Variants in MMP12 observed in about 807,000 individuals in gnomAD.
MMP12 encodes the protein matrix metallopeptidase 12.
MMP12 carries 51 observed loss-of-function variants against 45.2 expected under a neutral mutation model. That is an observed-to-expected ratio of 1.13 (90% confidence interval 0.90 to 1.42). The LOEUF (loss-of-function observed/expected upper bound fraction) is 1.42, where lower values mean the gene tolerates loss of function less well. Ranked by LOEUF, MMP12 falls within the 40% of genes most tolerant of loss-of-function variation. The probability of loss-of-function intolerance (pLI) is 0.00; values close to 1 mark genes in which losing one functional copy is unlikely to be tolerated. For missense variants in MMP12, 530 were observed against 570.8 expected, an observed-to-expected ratio of 0.93 and a Z score of 0.73; for synonymous variants, 210 against 193.3, an observed-to-expected ratio of 1.09 and a Z score of -0.72.
rs1182142522 is a variant in MMP12, at chr11:102,865,274, T to C, written c.1205+502A>G. 6.6e-6 allele frequency among the ~76,000 whole-genome samples: 1 copy of C among 152,196 alleles called. No homozygotes were observed. The highest frequency in any genetic ancestry group is 1.5e-5 in the Non-Finnish European group (1 of 68,024). On this transcript the variant is annotated intron_variant, in intron 8 of 9. Coordinates refer to ENST00000571244, the MANE Select transcript of MMP12 (RefSeq NM_002426.6). The surrounding 1 kb of genome is among the most constrained non-coding windows in gnomAD (Gnocchi z 4.1). ...CTCTCCTCCTTCAAAATGTAGACAA[T>C]TGAGACAACAGAGACAGACACTCAA...
rs1191450137 is a variant in MMP12, at chr11:102,867,810, A to G, written c.787+98T>C. Reference sequence around the variant, plus strand: ...ACAGGGTTCTTATGCGGCTTAAAAAAAGACAGATATTAACGTTTTATCCAA... The same window carrying G: ...ACAGGGTTCTTATGCGGCTTAAAAAGAGACAGATATTAACGTTTTATCCAA... On this transcript the variant is annotated intron_variant, in intron 5 of 9. Coordinates refer to ENST00000571244, the MANE Select transcript of MMP12 (RefSeq NM_002426.6). The G allele has an allele frequency of 3.8e-6, 5 of 1,302,520 alleles. No homozygotes were observed. The African/African-American group carries it at 4.4e-5, about 12-fold the overall frequency. 80.7% of individuals were successfully genotyped at this position (1,302,520 alleles called of 1,614,324 possible).
chr11:102,864,270 C>A lies in MMP12; in HGVS notation c.1206-18G>T. 1 of 1,558,884 alleles carries A rather than the reference C, an allele frequency of 6.4e-7. No individual in the cohort carries two copies. Among genetic ancestry groups the A allele is most frequent in the Non-Finnish European group, 8.8e-7 (1 of 1,130,562 alleles). On this transcript the variant is annotated intron_variant, in intron 8 of 9. Transcript: ENST00000571244. ...CATCATACCTGAGCAAAGAAGTAAC[C>A]AGCAGGAACTCAATCAGAAAGTGGC...
chr11:102,873,992 G>T (rs1859548172), intron 1 of MMP12, among the ~76,000 whole-genome samples: 2 of 142,678 alleles, frequency 1.4e-5, no homozygotes, highest in South Asian at 4.3e-4. Context: ...TGGTGCCACT[G>T]CACTGTAGCC....
At chr11:102,874,040 AAAAAAG>A (rs1205051007) in intron 1 of MMP12, among the ~76,000 whole-genome samples, 1 of 150,958 alleles carries the variant, frequency 6.6e-6, no homozygotes, top group African/African-American at 2.4e-5. Context: ...AAAAAAAAAA[AAAAAAG>A]AAAAAGAAAA....
chr11:102,867,152 C>T (rs1411632282), intron 6 of MMP12, 118 bp downstream of exon 6: 2 of 914,984 alleles, frequency 2.2e-6, no homozygotes, highest in African/African-American at 3.4e-5. Flanking sequence ...AGAATCGAGT[C>T]CAAGTTCCTG....
Position 102,865,787 on chromosome 11 carries a change from G to T in MMP12, c.1194C>A (p.Asn398Lys). Reference sequence around the variant, plus strand: ...CCATTAAAACTCACCTCCAATACTGGTTATCTACAAAGAAGTAGGTCCTAT... The same window carrying T: ...CCATTAAAACTCACCTCCAATACTGTTTATCTACAAAGAAGTAGGTCCTAT... The part of the protein sequence containing the change: ...RFYRTYFFVD[N>K]QYWRYDERRQ... Residue 398 changes from asparagine (N) to lysine (K), a missense_variant, in exon 8 of 10, where the codon AAC becomes AAA. Coordinates refer to ENST00000571244, the MANE Select transcript of MMP12 (RefSeq NM_002426.6). This position sits in a 1 kb window ranked among gnomAD's most constrained non-coding sequence, Gnocchi z 4.1. The T allele has an allele frequency of 6.2e-7, 1 of 1,610,284 alleles. No individual in the cohort carries two copies. Among genetic ancestry groups the T allele is most frequent in the Non-Finnish European group, 8.5e-7 (1 of 1,178,062 alleles).
In MMP12 at chr11:102,865,996, T is replaced by A; in HGVS notation, c.1046-61A>T. ...TACAGGAAGAGTAATAAGAAAATAT[T>A]GATTTACTATAAACAACATAATTCC... On this transcript the variant is annotated intron_variant, in intron 7 of 9. Coordinates refer to ENST00000571244, the MANE Select transcript of MMP12 (RefSeq NM_002426.6). The surrounding 1 kb of genome is among the most constrained non-coding windows in gnomAD (Gnocchi z 4.1). The A allele has an allele frequency of 7.8e-7, 1 of 1,281,610 alleles. No homozygotes were observed. The highest frequency in any genetic ancestry group is 1.1e-6 in the Non-Finnish European group (1 of 918,358). 79.4% of individuals were successfully genotyped at this position (1,281,610 alleles called of 1,614,324 possible).
chr11:102,872,073 A>G, intron 2 of MMP12, 121 bp from the exon 3 acceptor site: 1 of 1,141,258 alleles, frequency 8.8e-7, no homozygotes, highest in Non-Finnish European at 1.2e-6. Context: ...AAGAGTCCAG[A>G]TTTTAAAACT....
intron 2 of MMP12, 77 bp from the exon 3 acceptor site, chr11:102,872,029 T>C (rs1387100200): frequency 7.1e-7 from 1 of 1,399,878 alleles, no homozygotes; most frequent in Non-Finnish European, 9.5e-7. Flanking sequence ...TCATTTTTGC[T>C]AGCACAATTG....
At chr11:102,863,837 G>A (rs1268220857) in intron 9 of MMP12, among the ~76,000 whole-genome samples, 1 of 152,174 alleles carries the variant, frequency 6.6e-6, no homozygotes. Context: ...CCATGTGCTC[G>A]CTTGCACATA....
At chr11:102,867,217 A>C (rs536993814) in intron 6 of MMP12, 53 bp downstream of exon 6, 567 of 1,466,182 alleles carry the variant, frequency 3.9e-4, no homozygotes, top group Non-Finnish European at 4.7e-4. Flanking sequence ...TTCTGACAAA[A>C]AAAATTTAAA....
chr11:102,866,581 T>A, intron 6 of MMP12, 133 bp from the exon 7 acceptor site: 3 of 884,362 alleles, frequency 3.4e-6, no homozygotes, highest in Non-Finnish European at 5.2e-6. Flanking sequence ...CATGGATGTC[T>A]GATGTTCATG....
At chr11:102,871,186 T>C (rs1397953136) in intron 4 of MMP12, among the ~76,000 whole-genome samples, 2 of 152,198 alleles carry the variant, frequency 1.3e-5, no homozygotes, top group Middle Eastern at 6.8e-3. Context: ...GTTAGCATCA[T>C]GATACGTGAT....
In MMP12 at chr11:102,865,588, A is replaced by G. The variant is rs1290941117; in HGVS notation, c.1205+188T>C. Among the ~76,000 whole-genome samples, 2 of 152,144 alleles carry G rather than the reference A, an allele frequency of 1.3e-5. No individual in the cohort carries two copies. The highest frequency in any genetic ancestry group is 1.5e-5 in the Non-Finnish European group (1 of 68,020). Reference sequence around the variant, plus strand: ...AAACACACATTATCTACTATTTCATATATCAGAAACCAAAAACACAAAGAA... The same window carrying G: ...AAACACACATTATCTACTATTTCATGTATCAGAAACCAAAAACACAAAGAA... On this transcript the variant is annotated intron_variant, in intron 8 of 9. Transcript: ENST00000571244. The surrounding 1 kb of genome is among the most constrained non-coding windows in gnomAD (Gnocchi z 4.1).
At chr11:102,874,366 T>G (rs1446129252) in intron 1 of MMP12, among the ~76,000 whole-genome samples, 1 of 152,002 alleles carries the variant, frequency 6.6e-6, no homozygotes, top group African/African-American at 2.4e-5. Context: ...GGCAACATAG[T>G]GGAACCCCAT....
intron 1 of MMP12, 67 bp from the exon 2 acceptor site, chr11:102,873,179 T>C: frequency 2.1e-6 from 3 of 1,412,902 alleles, no homozygotes; most frequent in South Asian, 1.3e-5. Context: ...GAGCTCCACA[T>C]ATATGACTCA....
intron 9 of MMP12, 54 bp downstream of exon 9, chr11:102,864,092 T>G: frequency 1.5e-6 from 2 of 1,318,772 alleles, no homozygotes; most frequent in South Asian, 2.4e-5. Context: ...CTTAGAGGAT[T>G]TATAGCTTTG....
intron 1 of MMP12, 139 bp from the exon 2 acceptor site, chr11:102,873,251 GT>G: frequency 2.6e-6 from 2 of 771,442 alleles, no homozygotes; most frequent in Non-Finnish European, 4.1e-6. Flanking sequence ...TTAGATTATT[GT>G]TTTTTGGACA....
Position 102,872,861 on chromosome 11 carries a change from T to G in MMP12, c.350+4A>C, listed in dbSNP as rs953433206. 19 of 1,613,478 alleles carry G rather than the reference T, an allele frequency of 1.2e-5. No individual in the cohort carries two copies. In the Admixed American group the frequency reaches 2.3e-4, roughly 20 times the overall value. On this transcript the variant is annotated splice_donor_region_variant and intron_variant, in intron 2 of 9. Coordinates refer to ENST00000571244, the MANE Select transcript of MMP12 (RefSeq NM_002426.6). ...AAATACAGGGCGACATACACCAACGTTACCTGTAGGTGATATAATGTTTCC... is the reference window on the plus strand; with the variant it reads ...AAATACAGGGCGACATACACCAACGGTACCTGTAGGTGATATAATGTTTCC...
Sources: gnomAD v4.1 joint callset for allele counts (sites outside exome capture counted in the v4.1 genomes callset) on GRCh38, gnomAD v4.1.1 for gene constraint, Gnocchi (gnomAD v3.1) non-coding constraint, MANE v1.5 for transcripts, NCBI Gene and HGNC (gene_info 2026-07-23, HGNC 2026-07-21) for gene names.